PTK2B: variants seen among roughly 807,000 people sequenced by gnomAD.
PTK2B encodes protein-tyrosine kinase 2-beta.
In PTK2B, 71 loss-of-function variants were observed where a neutral mutation model predicts 142.9. The ratio of observed to expected loss-of-function variants is 0.50; its 90% CI spans 0.41 to 0.61. The LOEUF (loss-of-function observed/expected upper bound fraction) is 0.61, where lower values mean the gene tolerates loss of function less well. Ranked by LOEUF, PTK2B falls within the 20% of genes least tolerant of loss-of-function variation. PTK2B has a pLI of 0.00. For missense variants in PTK2B, 1,105 were observed against 1,320.4 expected (o/e 0.84, Z 2.53); for synonymous variants, 519 against 503.4 (o/e 1.03, Z -0.42).
At chr8:27,417,892 G>A (rs551854865) in intron 2 of PTK2B, among the ~76,000 whole-genome samples, 56 of 152,276 alleles carry the variant, frequency 3.7e-4, no homozygotes, top group Non-Finnish European at 5.7e-4. Context: ...TGGGAGTGAC[G>A]TGGGGGCTCT....
chr8:27,327,812 GA>G (rs1171221419), intron 1 of PTK2B, among the ~76,000 whole-genome samples: 1 of 152,242 alleles, frequency 6.6e-6, no homozygotes, highest in East Asian at 1.9e-4. Flanking sequence ...CCTCTTTTCT[GA>G]AATGAGGGCA....
At chr8:27,435,319 C>G (rs1377747851) in intron 13 of PTK2B, among the ~76,000 whole-genome samples, 1 of 152,216 alleles carries the variant, frequency 6.6e-6, no homozygotes, top group Non-Finnish European at 1.5e-5. Context: ...AGGACTGCAC[C>G]ACCTCCCAAA....
rs377206962 is a variant in PTK2B at position 27,353,662 on chromosome 8, A to G, written c.-38+27981A>G. Among the ~76,000 whole-genome samples the G allele has an allele frequency of 6.0e-4, 91 of 152,330 alleles. 1 individual carries two copies. The South Asian group carries it at 0.018, about 31-fold the overall frequency. On this transcript the variant is annotated intron_variant, in intron 1 of 30. Coordinates refer to ENST00000346049, the MANE Select transcript of PTK2B (RefSeq NM_173176.3). The stretch of plus-strand genomic sequence containing the variant: ...CTTGAACAGATGAGGCAACTAGGGT[A>G]GGGCTGTTCCCAGGGGAGGCTGTTC...
At chr8:27,372,242 C>A (rs1459620535) in intron 1 of PTK2B, among the ~76,000 whole-genome samples, 2 of 152,040 alleles carry the variant, frequency 1.3e-5, no homozygotes, top group Admixed American at 1.3e-4. Flanking sequence ...TCCAAGTTCC[C>A]CAGAGAAACA....
At chr8:27,370,914 A>ATT (rs989648527) in intron 1 of PTK2B, among the ~76,000 whole-genome samples, 26 of 150,798 alleles carry the variant, frequency 1.7e-4, no homozygotes, top group African/African-American at 5.8e-4. Context: ...GTTTATTTTT[A>ATT]TTTTTTTTTG....
intron 1 of PTK2B, among the ~76,000 whole-genome samples, chr8:27,339,854 A>T (rs2129988671): frequency 6.6e-6 from 1 of 152,312 alleles, no homozygotes; most frequent in East Asian, 1.9e-4. Context: ...AAGCATTCAG[A>T]TCCCTTCTGT....
intron 2 of PTK2B, among the ~76,000 whole-genome samples, chr8:27,417,107 A>G (rs889713666): frequency 6.6e-6 from 1 of 152,234 alleles, no homozygotes; most frequent in Non-Finnish European, 1.5e-5. Context: ...GGAAATCACA[A>G]TGTATAGTCA....
At chr8:27,319,530 G>C (rs1348076315) in intron 3 of PTK2B, among the ~76,000 whole-genome samples, 1 of 150,658 alleles carries the variant, frequency 6.6e-6, no homozygotes, top group Non-Finnish European at 1.5e-5. Flanking sequence ...TGTAGTCCCA[G>C]CTACTCGGGA....
intron 21 of PTK2B, among the ~76,000 whole-genome samples, chr8:27,441,599 A>G (rs1488492557): frequency 6.6e-6 from 1 of 152,140 alleles, no homozygotes; most frequent in African/African-American, 2.4e-5. Flanking sequence ...GTGACCCTGC[A>G]TGTTTTCTGT....
At chr8:27,322,347 C>T (rs1803238396), upstream of PTK2B, 2 of 152,146 alleles carry the variant, frequency 1.3e-5, no homozygotes, top group Non-Finnish European at 2.9e-5. Context: ...CACCTGGGAG[C>T]CTGTGAATAA....
chr8:27,379,455 T>C (rs1209168334), intron 1 of PTK2B, among the ~76,000 whole-genome samples: 2 of 152,160 alleles, frequency 1.3e-5, no homozygotes, highest in Non-Finnish European at 2.9e-5. Flanking sequence ...CTCAAACTTC[T>C]GGGCTCAAGT....
chr8:27,456,332 T>G (rs551690490), intron 30 of PTK2B, among the ~76,000 whole-genome samples: 1 of 152,358 alleles, frequency 6.6e-6, no homozygotes, highest in East Asian at 1.9e-4. Context: ...ATTTTGGTAA[T>G]TCTCACAATA....
chr8:27,447,318 T>G (rs1388273175), intron 24 of PTK2B, among the ~76,000 whole-genome samples: 1 of 152,238 alleles, frequency 6.6e-6, no homozygotes, highest in East Asian at 1.9e-4. Flanking sequence ...ATAAGCTCCA[T>G]TTTATGACAC....
At chr8:27,313,161 T>A (rs1033779851) in intron 2 of PTK2B, 1 of 152,232 alleles carries the variant, frequency 6.6e-6, no homozygotes, top group Non-Finnish European at 1.5e-5. Flanking sequence ...GATGGTTTTA[T>A]AAGTGTTTGG....
intron 2 of PTK2B, among the ~76,000 whole-genome samples, chr8:27,407,384 AGAAG>A (rs1188693723): frequency 6.6e-6 from 1 of 152,150 alleles, no homozygotes; most frequent in Non-Finnish European, 1.5e-5. Context: ...TGCTTGAAGC[AGAAG>A]GAAGTCATTT....
rs187707323 is a variant in PTK2B, at chr8:27,423,488, G to A, written c.551+1105G>A. 6.6e-5 allele frequency among the ~76,000 whole-genome samples: 10 copies of A among 152,254 alleles called. No individual in the cohort carries two copies. The East Asian group carries it at 9.6e-4, about 15-fold the overall frequency. On this transcript the variant is annotated intron_variant, in intron 5 of 30. Transcript: ENST00000346049. ...GCCTGGGTGGGACCTTATCCTAGGC[G>A]TTTTTGACCAGCCCCCCAGGTGACT...
At chr8:27,405,680 C>T (rs1808668638) in intron 2 of PTK2B, among the ~76,000 whole-genome samples, 1 of 152,238 alleles carries the variant, frequency 6.6e-6, no homozygotes, top group South Asian at 2.1e-4. Flanking sequence ...CACGCAGGTT[C>T]CGGGCCTTTG....
rs556601530 is a variant in PTK2B, at chr8:27,368,277, C to A, written c.-37-29271C>A. ...CACTGACAAGGACTCCCTCCTTGACCGAACCTTAGGCAGGCTCCTCTGAGC... is the reference window on the plus strand; with the variant it reads ...CACTGACAAGGACTCCCTCCTTGACAGAACCTTAGGCAGGCTCCTCTGAGC... On this transcript the variant is annotated intron_variant, in intron 1 of 30. Coordinates refer to ENST00000346049, the MANE Select transcript of PTK2B (RefSeq NM_173176.3). Among the ~76,000 whole-genome samples the A allele has an allele frequency of 1.6e-4, 24 of 152,300 alleles. 1 individual carries two copies. The South Asian group carries it at 3.3e-3, about 21-fold the overall frequency.
At chr8:27,378,769 A>T (rs896364855) in intron 1 of PTK2B, among the ~76,000 whole-genome samples, 8 of 152,108 alleles carry the variant, frequency 5.3e-5, no homozygotes, top group African/African-American at 1.9e-4. Flanking sequence ...CACCTGCTTC[A>T]TCTTATCCCC....
Sources: allele counts gnomAD v4.1 joint callset (sites outside exome capture counted in the v4.1 genomes callset), GRCh38; gene constraint gnomAD v4.1.1; transcripts MANE v1.5; gene names NCBI Gene and HGNC (gene_info 2026-07-23, HGNC 2026-07-21).